Variants in CSMD3 observed in about 807,000 individuals in gnomAD.
CSMD3 encodes the protein CUB and sushi domain-containing protein 3.
Under a neutral mutation model 435.2 loss-of-function variants are expected in CSMD3, and 177 were observed. The ratio of observed to expected loss-of-function variants is 0.41; its 90% confidence interval spans 0.36 to 0.46. The LOEUF is 0.46. Ranked by LOEUF, CSMD3 falls within the 20% of genes least tolerant of loss-of-function variation. The pLI is 0.34. For synonymous variants in CSMD3, 1,656 were observed against 1,520.5 expected (o/e 1.09, Z -2.07); for missense variants, 4,265 against 4,504.6 (o/e 0.95, Z 1.52).
At chr8:112,243,223 C>T (rs921532453) in intron 65 of CSMD3, among the ~76,000 whole-genome samples, 1 of 136,520 alleles carries the variant, frequency 7.3e-6, no homozygotes, top group African/African-American at 2.6e-5. Flanking sequence ...CATACTACAG[C>T]GATTTCAATC....
chr8:112,518,367 G>C (rs142197837), intron 27 of CSMD3, among the ~76,000 whole-genome samples: 4 of 151,954 alleles, frequency 2.6e-5, no homozygotes, highest in African/African-American at 9.6e-5. Flanking sequence ...AATTAGCCCA[G>C]CATGGTGGTG....
At chr8:113,029,566 G>T (rs2087004531) in intron 5 of CSMD3, among the ~76,000 whole-genome samples, 1 of 151,388 alleles carries the variant, frequency 6.6e-6, no homozygotes, top group East Asian at 1.9e-4. Flanking sequence ...CATTCAACAA[G>T]ATCCAGCATC....
chr8:112,662,600 G>A (rs1478235291), intron 17 of CSMD3, among the ~76,000 whole-genome samples: 1 of 152,106 alleles, frequency 6.6e-6, no homozygotes, highest in African/African-American at 2.4e-5. Flanking sequence ...TACCATTCAG[G>A]ACATAGGCAT....
At chr8:113,210,752 C>T (rs1039553768) in intron 3 of CSMD3, among the ~76,000 whole-genome samples, 1 of 151,918 alleles carries the variant, frequency 6.6e-6, no homozygotes, top group Non-Finnish European at 1.5e-5. Context: ...TAGCAGGGAC[C>T]TGTAATCCCA....
rs1255974147 is a variant in CSMD3, at chr8:112,237,100, CA to C, written c.10627+89del. 128 of 1,391,512 alleles carry C rather than the reference CA, an allele frequency of 9.2e-5. No homozygotes were observed. In the East Asian group the frequency reaches 2.6e-3, roughly 28 times the overall value. 86.2% of individuals were successfully genotyped at this position (1,391,512 alleles called of 1,614,324 possible). A position where few individuals can be genotyped will look rare whatever the true frequency, so the allele number is the denominator to read the frequency against. On this transcript the variant is annotated intron_variant, in intron 67 of 70. Coordinates refer to ENST00000297405, the MANE Select transcript of CSMD3 (RefSeq NM_198123.2). The stretch of plus-strand genomic sequence containing the variant: ...AGCAAATGTATCAAAATAAACATTT[CA>C]CCATATAAAAAGCATTACTAAAAAT...
At position 113,417,796 on chromosome 8, in the gene CSMD3, C is replaced by T. The variant is rs2094589060; in HGVS notation, c.178+18881G>A. On this transcript the variant is annotated intron_variant, in intron 1 of 70. Coordinates refer to ENST00000297405, the MANE Select transcript of CSMD3 (RefSeq NM_198123.2). The stretch of plus-strand genomic sequence containing the variant: ...AAGGACAAGCTAAAGGAAATTAGAA[C>T]ATTAACATAGGACAGGTTTAATGCC... Among the ~76,000 whole-genome samples, 4 of 151,846 alleles carry T rather than the reference C, an allele frequency of 2.6e-5. No individual in the cohort carries two copies. The South Asian group carries it at 8.3e-4, about 32-fold the overall frequency.
At chr8:113,286,929 T>G (rs2093650984) in intron 2 of CSMD3, among the ~76,000 whole-genome samples, 1 of 150,570 alleles carries the variant, frequency 6.6e-6, no homozygotes, top group African/African-American at 2.4e-5. Flanking sequence ...GGACGAGGAG[T>G]AAAGAATGAC....
At chr8:112,336,064 C>T (rs1324603646) in intron 44 of CSMD3, among the ~76,000 whole-genome samples, 1 of 152,016 alleles carries the variant, frequency 6.6e-6, no homozygotes, top group Admixed American at 6.6e-5. Flanking sequence ...AGGCGCATGC[C>T]ACCATGTCTG....
At chr8:112,780,035 C>G (rs1055503000) in intron 13 of CSMD3, among the ~76,000 whole-genome samples, 1 of 151,934 alleles carries the variant, frequency 6.6e-6, no homozygotes, top group Admixed American at 6.6e-5. Flanking sequence ...TAAATAATCA[C>G]CACTATATCA....
intron 1 of CSMD3, among the ~76,000 whole-genome samples, chr8:113,435,929 C>CA (rs2094703448): frequency 6.6e-6 from 1 of 152,040 alleles, no homozygotes; most frequent in Admixed American, 6.5e-5. Context: ...CCTATCTGTG[C>CA]ATGTGACACT....
chr8:112,416,504 T>C (rs1249582439), intron 32 of CSMD3, among the ~76,000 whole-genome samples: 1 of 152,222 alleles, frequency 6.6e-6, no homozygotes, highest in Non-Finnish European at 1.5e-5. Flanking sequence ...AGTACACGAA[T>C]GATTTCTTTT....
chr8:113,148,261 A>G (rs2091725425), intron 4 of CSMD3, among the ~76,000 whole-genome samples: 1 of 151,658 alleles, frequency 6.6e-6, no homozygotes. Flanking sequence ...CCATCTGCTT[A>G]AAATGCTCTC....
intron 4 of CSMD3, among the ~76,000 whole-genome samples, chr8:113,169,319 G>T (rs185035247): frequency 3.3e-5 from 5 of 152,092 alleles, no homozygotes; most frequent in African/African-American, 1.2e-4. Context: ...TATGGTTTAG[G>T]TCACTCAGCA....
intron 10 of CSMD3, among the ~76,000 whole-genome samples, chr8:112,895,864 A>G (rs2081936051): frequency 6.6e-6 from 1 of 151,450 alleles, no homozygotes; most frequent in African/African-American, 2.4e-5. Flanking sequence ...AAAAGGAGAT[A>G]ATGCAAAACA....
At chr8:112,241,692 C>T in intron 66 of CSMD3, 28 bp downstream of exon 66, 1 of 1,528,258 alleles carries the variant, frequency 6.5e-7, no homozygotes, top group African/African-American at 1.4e-5. Context: ...AAATAATGAA[C>T]TCTAGAAAAA....
At chr8:112,899,849 A>AGTCAGAGAG (rs2082061454) in intron 10 of CSMD3, among the ~76,000 whole-genome samples, 1 of 149,446 alleles carries the variant, frequency 6.7e-6, no homozygotes, top group African/African-American at 2.4e-5. Context: ...AGAGAGAGAG[A>AGTCAGAGAG]GTCAGAGAGA....
chr8:112,852,839 G>A (rs529438806), intron 11 of CSMD3, among the ~76,000 whole-genome samples: 5 of 152,068 alleles, frequency 3.3e-5, no homozygotes, highest in Admixed American at 6.6e-5. Context: ...GGAGAAAGGC[G>A]TGAATCTGGG....
At chr8:112,434,513 T>C (rs1001868563) in intron 32 of CSMD3, among the ~76,000 whole-genome samples, 4 of 152,132 alleles carry the variant, frequency 2.6e-5, no homozygotes, top group Non-Finnish European at 4.4e-5. Flanking sequence ...TTATAATCTA[T>C]GCCACATAAT....
intron 17 of CSMD3, among the ~76,000 whole-genome samples, chr8:112,658,410 C>G (rs1273027534): frequency 6.6e-6 from 1 of 152,016 alleles, no homozygotes; most frequent in Non-Finnish European, 1.5e-5. Context: ...TCGTATCAGT[C>G]TCTGATATTA....
Sources: gnomAD v4.1 joint callset for allele counts (sites outside exome capture counted in the v4.1 genomes callset) on GRCh38, gnomAD v4.1.1 for gene constraint, MANE v1.5 for transcripts, NCBI Gene and HGNC (gene_info 2026-07-23, HGNC 2026-07-21) for gene names.